The following LDLRAD4 variants were observed in gnomAD, a reference collection of about 807,000 sequenced individuals.
LDLRAD4 encodes low-density lipoprotein receptor class A domain-containing protein 4.
A neutral mutation model predicts 17.0 loss-of-function variants in LDLRAD4; 5 were observed. The ratio of observed to expected loss-of-function variants is 0.29; its 90% CI spans 0.15 to 0.62. LDLRAD4 has a LOEUF of 0.62. Ranked by LOEUF, LDLRAD4 falls within the 20% of genes least tolerant of loss-of-function variation. LDLRAD4 has a pLI of 0.84. For synonymous variants in LDLRAD4, 168 were observed against 171.8 expected (o/e 0.98, Z 0.17); for missense variants, 340 against 424.7 (o/e 0.80, Z 1.75).
chr18:13,559,070 A>G (rs1214679876), intron 3 of LDLRAD4, among the ~76,000 whole-genome samples: 6 of 152,238 alleles, frequency 3.9e-5, no homozygotes, highest in Non-Finnish European at 7.3e-5. Context: ...CAAGACCAGC[A>G]TTAGATAAAA....
intron 3 of LDLRAD4, among the ~76,000 whole-genome samples, chr18:13,609,074 G>A (rs1175149562): frequency 1.3e-5 from 2 of 152,234 alleles, no homozygotes; most frequent in African/African-American, 4.8e-5. Context: ...TTACGTGAAA[G>A]ATGCGATGTA....
chr18:13,270,356 TAA>T (rs879556881), intron 1 of LDLRAD4, among the ~76,000 whole-genome samples: 12 of 139,416 alleles, frequency 8.6e-5, no homozygotes, highest in Non-Finnish European at 6.2e-5. Context: ...CTCTGTCTCT[TAA>T]AAAAAAAAAA....
At chr18:13,515,834 C>T (rs1245066381) in intron 3 of LDLRAD4, 1 of 152,168 alleles carries the variant, frequency 6.6e-6, no homozygotes, top group African/African-American at 2.4e-5. Flanking sequence ...GAGTCAGTGT[C>T]TTTCTTTGTC....
chr18:13,473,636 CATATATATATATATATATAT>C (rs71366054), intron 3 of LDLRAD4, among the ~76,000 whole-genome samples: 8 of 28,780 alleles, frequency 2.8e-4, no homozygotes, highest in East Asian at 1.7e-3. Context: ...GATCCCATCT[CATATATATATATATATATAT>C]ATATATATAT....
At chr18:13,496,023 C>A (rs539921626) in intron 3 of LDLRAD4, among the ~76,000 whole-genome samples, 3 of 152,292 alleles carry the variant, frequency 2.0e-5, no homozygotes, top group East Asian at 3.9e-4. Context: ...TCCCACCACC[C>A]GCCTGGCCTC....
chr18:13,336,543 T>G (rs1275172312), intron 1 of LDLRAD4, among the ~76,000 whole-genome samples: 1 of 152,198 alleles, frequency 6.6e-6, no homozygotes, highest in African/African-American at 2.4e-5. Context: ...TCCTTTTTCC[T>G]TTTCTTTTAC....
chr18:13,298,253 G>A (rs1431619066), intron 1 of LDLRAD4, among the ~76,000 whole-genome samples: 1 of 152,242 alleles, frequency 6.6e-6, no homozygotes, highest in Non-Finnish European at 1.5e-5. Flanking sequence ...TCCTGGGGCT[G>A]GAGGCCTGCC....
At chr18:13,638,066 A>G (rs2042235407) in intron 4 of LDLRAD4, among the ~76,000 whole-genome samples, 1 of 152,074 alleles carries the variant, frequency 6.6e-6, no homozygotes, top group African/African-American at 2.4e-5. Flanking sequence ...AAATAAGGGA[A>G]CTGAGGCTGG....
chr18:13,270,571 A>G (rs532843578), intron 1 of LDLRAD4, among the ~76,000 whole-genome samples: 1 of 152,288 alleles, frequency 6.6e-6, no homozygotes, highest in African/African-American at 2.4e-5. Context: ...ATTTCAGAGT[A>G]CTGGATCCAG....
chr18:13,481,308 T>C (rs1441457479), intron 3 of LDLRAD4, among the ~76,000 whole-genome samples: 1 of 152,194 alleles, frequency 6.6e-6, no homozygotes, highest in Non-Finnish European at 1.5e-5. Flanking sequence ...AGGCAGACAC[T>C]TCCCTCTCCT....
chr18:13,399,096 C>T (rs1339740689), intron 2 of LDLRAD4, among the ~76,000 whole-genome samples: 2 of 152,056 alleles, frequency 1.3e-5, no homozygotes, highest in African/African-American at 4.8e-5. Context: ...TGCCTATAGT[C>T]CTGGCTACTC....
intron 1 of LDLRAD4, among the ~76,000 whole-genome samples, chr18:13,220,444 T>C (rs2041384924): frequency 6.6e-6 from 1 of 152,226 alleles, no homozygotes. Flanking sequence ...AATCCTCTCA[T>C]GGGCTTGGTT....
chr18:13,644,400 CAAAAAA>C (rs5823265), intron 5 of LDLRAD4, among the ~76,000 whole-genome samples: 1 of 58,636 alleles, frequency 1.7e-5, no homozygotes, highest in Non-Finnish European at 4.0e-5. Context: ...AACCCCATCT[CAAAAAA>C]AAAAAAAAAA....
chr18:13,358,000 T>C (rs1020417729), intron 1 of LDLRAD4, among the ~76,000 whole-genome samples: 6 of 152,188 alleles, frequency 3.9e-5, no homozygotes, highest in Admixed American at 3.9e-4. Flanking sequence ...TTCTGGTTGT[T>C]TCCTGAGTCC....
intron 3 of LDLRAD4, among the ~76,000 whole-genome samples, chr18:13,604,158 G>A (rs757739236): frequency 1.3e-5 from 2 of 152,204 alleles, no homozygotes; most frequent in African/African-American, 2.4e-5. Flanking sequence ...ATATGCTCCA[G>A]TATAAAACTA....
rs572835663 is a variant in LDLRAD4 at position 13,345,980 on chromosome 18, A to G, written c.-382-41361A>G. 3.3e-5 allele frequency among the ~76,000 whole-genome samples: 5 copies of G among 151,718 alleles called. No homozygotes were observed. The South Asian group carries it at 1.0e-3, about 32-fold the overall frequency. ...TTGATTCTTCTCTCTTTTCTTCTTT[A>G]TTAGTCTTGCTAGCGGTCTATCAAT... On this transcript the variant is annotated intron_variant, in intron 1 of 5. Transcript: ENST00000359446.
chr18:13,392,107 A>G (rs540817168), intron 2 of LDLRAD4, among the ~76,000 whole-genome samples: 1 of 152,278 alleles, frequency 6.6e-6, no homozygotes, highest in East Asian at 1.9e-4. Flanking sequence ...TTAAATTTCC[A>G]GAAGGATTGA....
chr18:13,582,401 G>T lies in LDLRAD4; in HGVS notation c.182-38716G>T, dbSNP rs150878266. Among the ~76,000 whole-genome samples, 3 of 152,372 alleles carry T rather than the reference G, an allele frequency of 2.0e-5. No individual in the cohort carries two copies. The East Asian group carries it at 5.8e-4, about 29-fold the overall frequency. The stretch of plus-strand genomic sequence containing the variant: ...TCAATCAAAGAACTGCATCTAAACC[G>T]CCTGGAGTGGGATTTGGCTTTGAGA... On this transcript the variant is annotated intron_variant, in intron 3 of 5. Coordinates refer to ENST00000359446, the Ensembl canonical transcript of LDLRAD4.
chr18:13,607,175 A>C (rs933400153), intron 3 of LDLRAD4, among the ~76,000 whole-genome samples: 11 of 152,342 alleles, frequency 7.2e-5, no homozygotes, highest in Admixed American at 6.5e-4. Context: ...GAGTCAGACT[A>C]TCCCGGCTCC....
Sources: allele counts gnomAD v4.1 joint callset (sites outside exome capture counted in the v4.1 genomes callset), GRCh38; gene constraint gnomAD v4.1.1; transcripts MANE v1.5; gene names NCBI Gene and HGNC (gene_info 2026-07-23, HGNC 2026-07-21).